Variants in KIRREL3 observed in about 807,000 individuals in gnomAD.
KIRREL3 encodes kirre like nephrin family adhesion molecule 3.
A neutral mutation model predicts 89.7 loss-of-function variants in KIRREL3; 36 were observed. That is an observed-to-expected ratio of 0.40 (90% CI 0.31 to 0.53). KIRREL3 has a LOEUF of 0.53. Ranked by LOEUF, KIRREL3 falls within the 20% of genes least tolerant of loss-of-function variation. The pLI, the probability that KIRREL3 is intolerant of heterozygous loss-of-function variation, is 0.49. For synonymous variants in KIRREL3, 445 were observed against 441.4 expected (o/e 1.01, Z -0.10); for missense variants, 864 against 1,056.6 (o/e 0.82, Z 2.53).
intron 5 of KIRREL3, among the ~76,000 whole-genome samples, chr11:126,465,880 GATA>G (rs557686470): frequency 9.1e-4 from 139 of 152,336 alleles, no homozygotes; most frequent in South Asian, 1.4e-3. Context: ...ATAGCCAAGT[GATA>G]ATAAGAACAA....
intron 1 of KIRREL3, among the ~76,000 whole-genome samples, chr11:126,779,904 C>A: frequency 6.6e-6 from 1 of 152,116 alleles, no homozygotes; most frequent in South Asian, 2.1e-4. Context: ...TACCATTGGG[C>A]CTTTAGGAAG....
rs1178732716 is a variant in KIRREL3 at position 126,686,371 on chromosome 11, C to G, written c.56-123459G>C. Among the ~76,000 whole-genome samples, 1 of 152,130 alleles carries G rather than the reference C, an allele frequency of 6.6e-6. No homozygotes were observed. Among genetic ancestry groups the G allele is most frequent in the Non-Finnish European group, 1.5e-5 (1 of 68,034 alleles). The stretch of plus-strand genomic sequence containing the variant: ...AAACATTTATGGACCATTCTAGGAA[C>G]TGTGCTTGGTGATGAGCTGCAGAGA... On this transcript the variant is annotated intron_variant, in intron 1 of 16. Coordinates refer to ENST00000525144, the MANE Select transcript of KIRREL3 (RefSeq NM_032531.4). This position sits in a 1 kb window ranked among gnomAD's most constrained non-coding sequence, Gnocchi z 4.7.
At position 126,723,822 on chromosome 11, in the gene KIRREL3, T is replaced by C. The variant is rs1197655252; in HGVS notation, c.56-160910A>G. On this transcript the variant is annotated intron_variant, in intron 1 of 16. Transcript: ENST00000525144. This position sits in a 1 kb window ranked among gnomAD's most constrained non-coding sequence, Gnocchi z 4.0. ...AGATGCTCTTTGTGACTCAGAACTT[T>C]GGAAAAAGTCCAACGAGCAACAAAA... 1.3e-5 allele frequency among the ~76,000 whole-genome samples: 2 copies of C among 152,234 alleles called. No individual in the cohort carries two copies. The highest frequency in any genetic ancestry group is 4.8e-5 in the African/African-American group (2 of 41,468).
chr11:126,626,410 T>G (rs1351626507), intron 1 of KIRREL3, among the ~76,000 whole-genome samples: 2 of 152,212 alleles, frequency 1.3e-5, no homozygotes, highest in African/African-American at 4.8e-5. Context: ...TATTGAAACA[T>G]TCAGTAACCA....
At chr11:126,451,454 GC>G (rs1466284710) in intron 7 of KIRREL3, among the ~76,000 whole-genome samples, 10 of 151,028 alleles carry the variant, frequency 6.6e-5, no homozygotes, top group Admixed American at 6.6e-4. Flanking sequence ...CCAAGTGCAT[GC>G]GCATGTGTGG....
chr11:126,713,934 C>G (rs1294809010), intron 1 of KIRREL3, among the ~76,000 whole-genome samples: 1 of 152,162 alleles, frequency 6.6e-6, no homozygotes, highest in South Asian at 2.1e-4. Flanking sequence ...TAGGGCAGGT[C>G]AGCTAAGGAC....
intron 1 of KIRREL3, among the ~76,000 whole-genome samples, chr11:126,856,640 G>T: frequency 6.9e-6 from 1 of 145,342 alleles, no homozygotes; most frequent in African/African-American, 2.6e-5. Context: ...CTTTGAGACC[G>T]AGTCTCGCTC....
intron 1 of KIRREL3, among the ~76,000 whole-genome samples, chr11:126,592,990 A>G (rs553593878): frequency 9.2e-5 from 14 of 152,278 alleles, no homozygotes; most frequent in Admixed American, 8.5e-4. Context: ...GAGCAGGCAC[A>G]TGGTCCAGCC....
chr11:126,486,613 G>A lies in KIRREL3; in HGVS notation c.434-13147C>T, dbSNP rs1045189389. Among the ~76,000 whole-genome samples the A allele has an allele frequency of 1.3e-5, 2 of 152,218 alleles. No homozygotes were observed. The highest frequency in any genetic ancestry group is 3.9e-4 in the East Asian group (2 of 5,192). ...GGAAAAGCCCATCATGGTGGCTGCC[G>A]TGGACTTGTATAATCCATGCTTCAT... On this transcript the variant is annotated intron_variant, in intron 4 of 16. Transcript: ENST00000525144. The surrounding 1 kb of genome is among the most constrained non-coding windows in gnomAD (Gnocchi z 6.2).
In KIRREL3 at chr11:126,579,484, C is replaced by G. The variant is rs957472439; in HGVS notation, c.56-16572G>C. Among the ~76,000 whole-genome samples, 2 of 152,134 alleles carry G rather than the reference C, an allele frequency of 1.3e-5. No individual in the cohort carries two copies. Among genetic ancestry groups the G allele is most frequent in the African/African-American group, 4.8e-5 (2 of 41,434 alleles). The stretch of plus-strand genomic sequence containing the variant: ...GCTCAGTGTCCCCAGGAACCACTCT[C>G]TAATTTAACGAATAACTTCTCTCAT... On this transcript the variant is annotated intron_variant, in intron 1 of 16. Transcript: ENST00000525144. This position sits in a 1 kb window ranked among gnomAD's most constrained non-coding sequence, Gnocchi z 5.3.
At position 126,485,371 on chromosome 11, in the gene KIRREL3, C is replaced by T. The variant is rs549889718; in HGVS notation, c.434-11905G>A. On this transcript the variant is annotated intron_variant, in intron 4 of 16. Coordinates refer to ENST00000525144, the MANE Select transcript of KIRREL3 (RefSeq NM_032531.4). The surrounding 1 kb of genome is among the most constrained non-coding windows in gnomAD (Gnocchi z 5.8). ...TGCAAAGGTTTGGGACACTGGGAAGCCCACTTCTCAGCTGGAGCTCATATT... is the reference window on the plus strand; with the variant it reads ...TGCAAAGGTTTGGGACACTGGGAAGTCCACTTCTCAGCTGGAGCTCATATT... Among the ~76,000 whole-genome samples the T allele has an allele frequency of 6.6e-6, 1 of 152,276 alleles. No homozygotes were observed. Among genetic ancestry groups the T allele is most frequent in the Admixed American group, 6.5e-5 (1 of 15,302 alleles).
At chr11:126,436,786 C>A in intron 12 of KIRREL3, 25 bp downstream of exon 12, 1 of 1,612,464 alleles carries the variant, frequency 6.2e-7, no homozygotes, top group South Asian at 1.1e-5. Context: ...GTTCGTTGTT[C>A]CCTCATGGCC....
At chr11:126,851,384 G>T (rs1944333685) in intron 1 of KIRREL3, among the ~76,000 whole-genome samples, 1 of 152,126 alleles carries the variant, frequency 6.6e-6, no homozygotes, top group African/African-American at 2.4e-5. Context: ...GTCCATGCAG[G>T]GAAGGTACCT....
chr11:126,426,087 C>T (rs1954933197), intron 15 of KIRREL3, among the ~76,000 whole-genome samples: 2 of 152,236 alleles, frequency 1.3e-5, no homozygotes, highest in South Asian at 4.1e-4. Flanking sequence ...CTGCTAAGGA[C>T]CAGAGATCCA....
Position 126,687,775 on chromosome 11 carries a change from GAA to G in KIRREL3, c.56-124865_56-124864del, listed in dbSNP as rs1228129573. Among the ~76,000 whole-genome samples, 2 of 152,204 alleles carry G rather than the reference GAA, an allele frequency of 1.3e-5. No homozygotes were observed. Among genetic ancestry groups the G allele is most frequent in the Non-Finnish European group, 2.9e-5 (2 of 68,044 alleles). On this transcript the variant is annotated intron_variant, in intron 1 of 16. Transcript: ENST00000525144. This position sits in a 1 kb window ranked among gnomAD's most constrained non-coding sequence, Gnocchi z 4.6. The stretch of plus-strand genomic sequence containing the variant: ...GAGTGCTCAGTCCAGTGAGAAACTA[GAA>G]AAGTCTGCAGGTAATGACAGGCAAA...
At position 126,451,083 on chromosome 11, in the gene KIRREL3, GTGTGCATATGTGTCCA is replaced by G. The variant is rs1178942836; in HGVS notation, c.849-1942_849-1927del. Among the ~76,000 whole-genome samples the G allele has an allele frequency of 2.0e-5, 3 of 147,658 alleles. No homozygotes were observed. The East Asian group carries it at 6.7e-4, about 33-fold the overall frequency. On this transcript the variant is annotated intron_variant, in intron 7 of 16. Coordinates refer to ENST00000525144, the MANE Select transcript of KIRREL3 (RefSeq NM_032531.4). ...TGCATGCATGTGCATGTGTGTGCGT[GTGTGCATATGTGTCCA>G]TGTGCATGTGTGCATGTGTGTGTGT...
At position 126,948,291 on chromosome 11, in the gene KIRREL3, TA is replaced by T. The variant is rs138583624; in HGVS notation, c.55+52163del. On this transcript the variant is annotated intron_variant, in intron 1 of 16. Transcript: ENST00000525144. The surrounding 1 kb of genome is among the most constrained non-coding windows in gnomAD (Gnocchi z 4.5). ...AGTTGGTCAAATTTCAAGAATAGCA[TA>T]AAAAAAAAACCTCTTTGGCCTGAAC... Among the ~76,000 whole-genome samples the T allele has an allele frequency of 2.4e-4, 36 of 149,084 alleles. 1 individual carries two copies. The highest frequency in any genetic ancestry group is 1.2e-3 in the East Asian group (6 of 5,088).
chr11:126,956,223 C>T (rs909139944), intron 1 of KIRREL3, among the ~76,000 whole-genome samples: 33 of 152,224 alleles, frequency 2.2e-4, no homozygotes, highest in Non-Finnish European at 4.6e-4. Context: ...TCGAGCCGTG[C>T]ATGGGAACAC....
intron 1 of KIRREL3, among the ~76,000 whole-genome samples, chr11:126,753,674 C>A (rs994442554): frequency 4.6e-5 from 7 of 152,194 alleles, no homozygotes; most frequent in Admixed American, 6.5e-5. Context: ...GAGTATCACC[C>A]TATAAAGCAG....
Sources: gnomAD v4.1 joint callset for allele counts (sites outside exome capture counted in the v4.1 genomes callset) on GRCh38, gnomAD v4.1.1 for gene constraint, Gnocchi (gnomAD v3.1) non-coding constraint, MANE v1.5 for transcripts, NCBI Gene and HGNC (gene_info 2026-07-23, HGNC 2026-07-21) for gene names.